Variants in LRFN5 observed in about 807,000 individuals in gnomAD.
LRFN5 encodes leucine rich repeat and fibronectin type III domain containing 5.
LRFN5 carries 24 observed loss-of-function variants against 45.6 expected under a neutral mutation model. The ratio of observed to expected loss-of-function variants is 0.53; its 90% CI spans 0.38 to 0.74. LRFN5 has a LOEUF of 0.74. Among genes scored for constraint, LRFN5 ranks in the 30% least tolerant of loss-of-function variants. LRFN5 has a pLI of 0.00. For synonymous variants in LRFN5, 340 were observed against 313.8 expected, an observed-to-expected ratio of 1.08 and a Z score of -0.88; for missense variants, 776 against 861.5, an observed-to-expected ratio of 0.90 and a Z score of 1.24.
intron 2 of LRFN5, among the ~76,000 whole-genome samples, chr14:41,847,722 T>A (rs1482127263): frequency 6.6e-6 from 1 of 152,146 alleles, no homozygotes; most frequent in Non-Finnish European, 1.5e-5. Context: ...TTGTTCATTT[T>A]AACATTTTAT....
intron 2 of LRFN5, among the ~76,000 whole-genome samples, chr14:41,843,224 G>C (rs1888927807): frequency 6.6e-6 from 1 of 151,140 alleles, no homozygotes; most frequent in Non-Finnish European, 1.5e-5. Context: ...TAGCTAGCTA[G>C]CTGGTACTGT....
intron 2 of LRFN5, among the ~76,000 whole-genome samples, chr14:41,870,274 T>C (rs146888594): frequency 0.011 from 1,687 of 152,274 alleles, 31 homozygotes; most frequent in African/African-American, 0.039. Context: ...GTTTGGAGTC[T>C]CTAACTTCAG....
At chr14:41,814,789 C>T (rs563583343) in intron 2 of LRFN5, among the ~76,000 whole-genome samples, 6 of 152,156 alleles carry the variant, frequency 3.9e-5, no homozygotes, top group African/African-American at 1.2e-4. Flanking sequence ...ACAAATTGGA[C>T]GGCATCTTTA....
At chr14:41,755,968 G>GA (rs1329765334) in intron 1 of LRFN5, among the ~76,000 whole-genome samples, 1 of 152,132 alleles carries the variant, frequency 6.6e-6, no homozygotes, top group East Asian at 1.9e-4. Context: ...CTGGCGGTGA[G>GA]AAAATCTCTC....
chr14:41,871,576 CA>C (rs1890020866), intron 2 of LRFN5, among the ~76,000 whole-genome samples: 1 of 123,262 alleles, frequency 8.1e-6, no homozygotes, highest in Admixed American at 8.8e-5. Flanking sequence ...GCAACAAGAG[CA>C]AAAATCTGTT....
chr14:41,758,364 T>C (rs1210062809), intron 1 of LRFN5, among the ~76,000 whole-genome samples: 2 of 152,222 alleles, frequency 1.3e-5, no homozygotes, highest in African/African-American at 2.4e-5. Flanking sequence ...AGACAATTAA[T>C]CCCTTATGTG....
intron 2 of LRFN5, among the ~76,000 whole-genome samples, chr14:41,781,648 AGAAAGAAAGAAAGAAAG>A (rs1221236382): frequency 6.9e-4 from 101 of 145,556 alleles, no homozygotes; most frequent in African/African-American, 2.4e-3. Context: ...AGAAAGAAAG[AGAAAGAAAGAAAGAAAG>A]GAAAGAAAGA....
chr14:41,903,130 C>T (rs1157522636), intron 5 of LRFN5, among the ~76,000 whole-genome samples: 2 of 151,436 alleles, frequency 1.3e-5, no homozygotes, highest in African/African-American at 2.4e-5. Flanking sequence ...ATCAATTTCA[C>T]TATTCAGATT....
intron 1 of LRFN5, among the ~76,000 whole-genome samples, chr14:41,612,547 C>G (rs533420386): frequency 6.6e-6 from 1 of 152,206 alleles, no homozygotes; most frequent in African/African-American, 2.4e-5. Flanking sequence ...ACATAACTAG[C>G]AGATAATTTT....
intron 1 of LRFN5, among the ~76,000 whole-genome samples, chr14:41,625,442 A>G (rs1217208758): frequency 6.6e-6 from 1 of 152,130 alleles, no homozygotes; most frequent in Non-Finnish European, 1.5e-5. Context: ...AAGTTTCCTG[A>G]AAGCCTCCCC....
At chr14:41,788,495 A>T (rs1269166117) in intron 2 of LRFN5, among the ~76,000 whole-genome samples, 1 of 152,066 alleles carries the variant, frequency 6.6e-6, no homozygotes, top group Admixed American at 6.6e-5. Context: ...GATGCAGGAA[A>T]GCTCTCTGCC....
At chr14:41,838,690 T>C (rs1888750608) in intron 2 of LRFN5, among the ~76,000 whole-genome samples, 1 of 152,126 alleles carries the variant, frequency 6.6e-6, no homozygotes, top group Non-Finnish European at 1.5e-5. Context: ...ACTATAGCAA[T>C]ATTTTGCAAA....
At chr14:41,831,296 A>G (rs1888470321) in intron 2 of LRFN5, among the ~76,000 whole-genome samples, 1 of 152,186 alleles carries the variant, frequency 6.6e-6, no homozygotes, top group Non-Finnish European at 1.5e-5. Context: ...ATATAACTTA[A>G]TCACTACTAA....
chr14:41,844,945 A>G (rs1889008646), intron 2 of LRFN5, among the ~76,000 whole-genome samples: 1 of 152,188 alleles, frequency 6.6e-6, no homozygotes. Context: ...TCCTCATGTA[A>G]AATGTAAAAT....
At chr14:41,826,497 C>T (rs1449964129) in intron 2 of LRFN5, among the ~76,000 whole-genome samples, 1 of 152,040 alleles carries the variant, frequency 6.6e-6, no homozygotes, top group Non-Finnish European at 1.5e-5. Context: ...AGTCATTTAC[C>T]ATAACTATCT....
chr14:41,645,579 T>C (rs1714509019), intron 1 of LRFN5, among the ~76,000 whole-genome samples: 4 of 152,224 alleles, frequency 2.6e-5, no homozygotes, highest in African/African-American at 9.6e-5. Flanking sequence ...TTATACCTTG[T>C]AGATGGTATT....
intron 2 of LRFN5, 88 bp from the exon 3 acceptor site, chr14:41,886,518 G>T: frequency 1.1e-6 from 1 of 878,190 alleles, no homozygotes; most frequent in Non-Finnish European, 1.7e-6. Context: ...CTCTATTCTA[G>T]ATTGCATACA....
chr14:41,722,290 T>C (rs1207068864), intron 1 of LRFN5, among the ~76,000 whole-genome samples: 1 of 152,134 alleles, frequency 6.6e-6, no homozygotes, highest in Non-Finnish European at 1.5e-5. Flanking sequence ...TCCATGTTGA[T>C]TTTCAACCTT....
rs914212982 is a variant in LRFN5, at chr14:41,671,617, G to GTTTTTTTTTTTTTTTTT, written c.-197+63059_-197+63075dup. On this transcript the variant is annotated intron_variant, in intron 1 of 5. Coordinates refer to ENST00000298119, the MANE Select transcript of LRFN5 (RefSeq NM_152447.5). ...TGTGGAGGAGAGATTTTTTTTTTTC[G>GTTTTTTTTTTTTTTTTT]TTTTTTTTTTTTTTTTTTTTACGGA... Among the ~76,000 whole-genome samples, 35 of 78,022 alleles carry GTTTTTTTTTTTTTTTTT rather than the reference G, an allele frequency of 4.5e-4. 7 individuals are homozygous for GTTTTTTTTTTTTTTTTT. Among genetic ancestry groups the GTTTTTTTTTTTTTTTTT allele is most frequent in the African/African-American group, 1.2e-3 (23 of 18,598 alleles). The allele number at this position is 78,022 out of a possible 152,430, so 51.2% of individuals were successfully genotyped here. A position where few individuals can be genotyped will look rare whatever the true frequency, so the allele number is the denominator to read the frequency against.
Sources: allele counts gnomAD v4.1 joint callset (sites outside exome capture counted in the v4.1 genomes callset), GRCh38; gene constraint gnomAD v4.1.1; transcripts MANE v1.5; gene names NCBI Gene and HGNC (gene_info 2026-07-23, HGNC 2026-07-21).